The following EGFR variants were observed in gnomAD, a reference collection of about 807,000 sequenced individuals.
EGFR encodes epidermal growth factor receptor, also known as avian erythroblastic leukemia viral (v-erb-b) oncogene homolog.
Under a neutral mutation model 143.0 loss-of-function variants are expected in EGFR, and 58 were observed. That is an observed-to-expected ratio of 0.41 (90% CI 0.33 to 0.50). The LOEUF is 0.50. EGFR is among the 20% of genes least tolerant of loss of function. EGFR has a pLI of 0.39. For synonymous variants in EGFR, 613 were observed against 594.4 expected (o/e 1.03, Z -0.45); for missense variants, 1,307 against 1,579.0 (o/e 0.83, Z 2.92).
At chr7:55,196,195 C>CTTTTTTTT (rs1331766673) in intron 22 of EGFR, among the ~76,000 whole-genome samples, 48 of 55,360 alleles carry the variant, frequency 8.7e-4, no homozygotes, top group East Asian at 1.6e-3. Context: ...TTTTTTTTTA[C>CTTTTTTTT]TTTTCAATAA....
intron 1 of EGFR, among the ~76,000 whole-genome samples, chr7:55,042,513 A>G (rs1414066048): frequency 6.6e-6 from 1 of 152,142 alleles, no homozygotes; most frequent in East Asian, 1.9e-4. Context: ...TACACTTGGT[A>G]CATGGTTGCA....
At chr7:55,043,581 C>G (rs948763824) in intron 1 of EGFR, among the ~76,000 whole-genome samples, 2 of 146,198 alleles carry the variant, frequency 1.4e-5, no homozygotes, top group African/African-American at 5.2e-5. Flanking sequence ...AGGTTGGTCT[C>G]GAACTCCTGG....
At chr7:55,157,642 A>G (rs998603132) in intron 10 of EGFR, 21 bp from the exon 11 acceptor site, 9 of 1,610,466 alleles carry the variant, frequency 5.6e-6, no homozygotes, top group Admixed American at 5.0e-5. Flanking sequence ...GTGTGTCTGA[A>G]GTCTTTCATC....
At chr7:55,200,790 C>T (rs1787813622) in intron 24 of EGFR, 1 of 481,154 alleles carries the variant, frequency 2.1e-6, no homozygotes, top group African/African-American at 1.9e-5. Flanking sequence ...AGCCGATCCA[C>T]CTATCTCCTT....
At chr7:55,058,030 T>A (rs958887823) in intron 1 of EGFR, among the ~76,000 whole-genome samples, 2 of 152,250 alleles carry the variant, frequency 1.3e-5, no homozygotes, top group African/African-American at 4.8e-5. Flanking sequence ...AATTAAGATG[T>A]TATTCAAATA....
At chr7:55,192,925 A>T (rs1484756137) in intron 22 of EGFR, 84 bp downstream of exon 22, 1 of 1,159,042 alleles carries the variant, frequency 8.6e-7, no homozygotes, top group Non-Finnish European at 1.3e-6. Flanking sequence ...ATATCCTCTG[A>T]CATGCAAGTA....
At chr7:55,125,973 T>C (rs138704782) in intron 1 of EGFR, among the ~76,000 whole-genome samples, 90 of 152,268 alleles carry the variant, frequency 5.9e-4, no homozygotes, top group African/African-American at 2.1e-3. Context: ...CACTCTCAGC[T>C]TCATCTCTGC....
chr7:55,164,013 G>A (rs1373928772), intron 14 of EGFR, among the ~76,000 whole-genome samples, 190 bp downstream of exon 14: 1 of 152,210 alleles, frequency 6.6e-6, no homozygotes, highest in East Asian at 1.9e-4. Context: ...ACATTAGCCT[G>A]CGATGAACAT....
intron 4 of EGFR, 84 bp downstream of exon 4, chr7:55,146,824 G>A: frequency 1.3e-6 from 2 of 1,574,994 alleles, no homozygotes; most frequent in Non-Finnish European, 8.7e-7. Context: ...GAGAAGCCAT[G>A]TTTAGTAAGT....
intron 20 of EGFR, among the ~76,000 whole-genome samples, chr7:55,186,017 C>A (rs761089753): frequency 6.6e-6 from 1 of 152,168 alleles, no homozygotes; most frequent in Non-Finnish European, 1.5e-5. Context: ...GGAAGATGAG[C>A]TGAGTGGGCC....
chr7:55,187,596 C>T (rs1188238101), intron 20 of EGFR, among the ~76,000 whole-genome samples: 1 of 152,224 alleles, frequency 6.6e-6, no homozygotes, highest in African/African-American at 2.4e-5. Context: ...AGCACTTACT[C>T]TATGCCTGCC....
intron 1 of EGFR, among the ~76,000 whole-genome samples, chr7:55,095,251 C>T (rs1791387859): frequency 6.6e-6 from 1 of 152,214 alleles, no homozygotes; most frequent in Admixed American, 6.5e-5. Flanking sequence ...CACCATGTGA[C>T]ATTCAAAAGC....
At chr7:55,097,725 G>A (rs1791562714) in intron 1 of EGFR, among the ~76,000 whole-genome samples, 1 of 152,116 alleles carries the variant, frequency 6.6e-6, no homozygotes, top group Non-Finnish European at 1.5e-5. Flanking sequence ...ACAGCAGCAA[G>A]ACAGATTGCC....
chr7:55,121,964 G>T (rs762962250), intron 1 of EGFR, among the ~76,000 whole-genome samples: 1 of 152,172 alleles, frequency 6.6e-6, no homozygotes, highest in Non-Finnish European at 1.5e-5. Context: ...TCTTTAATCC[G>T]CATTAGGGGC....
chr7:55,159,034 G>A (rs1785565642), intron 11 of EGFR, among the ~76,000 whole-genome samples: 1 of 152,222 alleles, frequency 6.6e-6, no homozygotes, highest in South Asian at 2.1e-4. Context: ...GGGGTCAGAT[G>A]AGAGCTTCCT....
intron 1 of EGFR, among the ~76,000 whole-genome samples, chr7:55,090,540 A>G (rs1168113274): frequency 6.6e-6 from 1 of 152,234 alleles, no homozygotes; most frequent in African/African-American, 2.4e-5. Context: ...AAAGCATAAC[A>G]TGAAGGCATT....
chr7:55,203,717 C>T (rs565488276), intron 27 of EGFR, among the ~76,000 whole-genome samples: 5 of 137,122 alleles, frequency 3.6e-5, no homozygotes, highest in African/African-American at 1.3e-4. Context: ...CATACACACA[C>T]GTAGACACAC....
At chr7:55,078,520 TC>T (rs1172141404) in intron 1 of EGFR, among the ~76,000 whole-genome samples, 10 of 152,288 alleles carry the variant, frequency 6.6e-5, no homozygotes, top group Non-Finnish European at 1.5e-4. Flanking sequence ...TCTGAGCTGG[TC>T]CCCCGTGGGG....
intron 1 of EGFR, among the ~76,000 whole-genome samples, chr7:55,056,860 A>C (rs904814570): frequency 1.3e-5 from 2 of 152,216 alleles, no homozygotes; most frequent in Non-Finnish European, 2.9e-5. Flanking sequence ...TAAATTCAGG[A>C]GGTAATGCTC....
Sources: gnomAD v4.1 joint callset for allele counts (sites outside exome capture counted in the v4.1 genomes callset) on GRCh38, gnomAD v4.1.1 for gene constraint, MANE v1.5 for transcripts, NCBI Gene and HGNC (gene_info 2026-07-23, HGNC 2026-07-21) for gene names.